Variants in PARD3 observed in about 807,000 individuals in gnomAD.
PARD3 encodes partitioning defective 3 homolog.
A neutral mutation model predicts 155.4 loss-of-function variants in PARD3; 75 were observed. The observed-to-expected ratio is 0.48, with a 90% CI of 0.40 to 0.58. The LOEUF (loss-of-function observed/expected upper bound fraction) is 0.58. PARD3 is among the 20% of genes least tolerant of loss of function. The pLI is 0.00. For synonymous variants in PARD3, 576 were observed against 610.5 expected, an observed-to-expected ratio of 0.94 and a Z score of 0.83; for missense variants, 1,642 against 1,721.7, an observed-to-expected ratio of 0.95 and a Z score of 0.82.
At chr10:34,569,118 A>G (rs763908900) in intron 2 of PARD3, among the ~76,000 whole-genome samples, 5 of 152,176 alleles carry the variant, frequency 3.3e-5, no homozygotes, top group Non-Finnish European at 4.4e-5. Context: ...TCACTGTGGC[A>G]CTCTCCTGAG....
chr10:34,349,580 TAAAAAAAAAAAAAAA>T, intron 14 of PARD3, among the ~76,000 whole-genome samples: 1 of 44,708 alleles, frequency 2.2e-5, no homozygotes, highest in African/African-American at 1.1e-4. Context: ...TCTGGGAAAG[TAAAAAAAAAAAAAAA>T]AAAAAAAAAA....
chr10:34,346,627 G>C (rs1837460996), intron 15 of PARD3, among the ~76,000 whole-genome samples: 1 of 152,192 alleles, frequency 6.6e-6, no homozygotes, highest in Non-Finnish European at 1.5e-5. Context: ...AGTGAAGAGA[G>C]TGGTAAGTAA....
At chr10:34,125,205 T>A (rs1947217923) in intron 23 of PARD3, among the ~76,000 whole-genome samples, 1 of 152,100 alleles carries the variant, frequency 6.6e-6, no homozygotes, top group Non-Finnish European at 1.5e-5. Flanking sequence ...TAGCTGGGAT[T>A]ACAGGCACCT....
At chr10:34,363,441 A>G (rs1839653541) in intron 12 of PARD3, among the ~76,000 whole-genome samples, 1 of 152,218 alleles carries the variant, frequency 6.6e-6, no homozygotes, top group South Asian at 2.1e-4. Context: ...TTCATGTGAT[A>G]TTCCACTATT....
rs546054670 is a variant in PARD3 at position 34,139,153 on chromosome 10, G to T, written c.3420-7570C>A. ...CTACAACTTAAGAAACATCATCATG[G>T]TCTGCATCTCAGCACACATAGAAAG... On this transcript the variant is annotated intron_variant, in intron 22 of 24. Coordinates refer to ENST00000374788, the MANE Select transcript of PARD3 (RefSeq NM_001184785.2). 1.0e-3 allele frequency among the ~76,000 whole-genome samples: 159 copies of T among 152,180 alleles called. 1 individual carries two copies. Among genetic ancestry groups the T allele is most frequent in the African/African-American group, 3.8e-3 (158 of 41,524 alleles).
intron 2 of PARD3, among the ~76,000 whole-genome samples, chr10:34,575,255 TTAA>T (rs1364883003): frequency 6.6e-6 from 1 of 152,238 alleles, no homozygotes; most frequent in East Asian, 1.9e-4. Context: ...TATGTGAGGC[TTAA>T]TATTACATGA....
intron 2 of PARD3, among the ~76,000 whole-genome samples, chr10:34,690,688 C>G (rs1322688987): frequency 6.6e-6 from 1 of 152,170 alleles, no homozygotes; most frequent in Non-Finnish European, 1.5e-5. Flanking sequence ...GCCTCGCTAG[C>G]TCTATGGAAA....
chr10:34,189,701 G>A lies in PARD3; in HGVS notation c.3420-58118C>T, dbSNP rs1588689097. ...CAAGGAAAAGCACCTGTGCAATTGA[G>A]TTGTGAGCTGAACTAGCCACCTGCT... On this transcript the variant is annotated intron_variant, in intron 22 of 24. Transcript: ENST00000374788. Among the ~76,000 whole-genome samples the A allele has an allele frequency of 2.0e-5, 3 of 152,204 alleles. No individual in the cohort carries two copies. In the South Asian group the frequency reaches 6.2e-4, roughly 31 times the overall value.
chr10:34,393,150 TAAAAAA>T (rs34936875), intron 7 of PARD3, among the ~76,000 whole-genome samples: 5 of 133,894 alleles, frequency 3.7e-5, no homozygotes, highest in Admixed American at 3.1e-4. Context: ...TACTAGATCT[TAAAAAA>T]AAAAAAAAAG....
At chr10:34,684,734 G>A (rs2133369244) in intron 2 of PARD3, among the ~76,000 whole-genome samples, 1 of 148,460 alleles carries the variant, frequency 6.7e-6, no homozygotes, top group African/African-American at 2.5e-5. Flanking sequence ...AACACCTGCT[G>A]GTCTTTCAGT....
At chr10:34,177,100 CTAT>C (rs765030100) in intron 22 of PARD3, among the ~76,000 whole-genome samples, 17 of 151,698 alleles carry the variant, frequency 1.1e-4, no homozygotes, top group Non-Finnish European at 2.5e-4. Context: ...GGAACCTATA[CTAT>C]TATTTTGCTT....
intron 4 of PARD3, among the ~76,000 whole-genome samples, chr10:34,460,797 C>T (rs1267392060): frequency 6.6e-6 from 1 of 152,020 alleles, no homozygotes; most frequent in Non-Finnish European, 1.5e-5. Flanking sequence ...CACACCACTG[C>T]ACTCCGGCCT....
intron 1 of PARD3, among the ~76,000 whole-genome samples, chr10:34,728,173 T>TG (rs1243787245): frequency 1.1e-4 from 16 of 152,220 alleles, no homozygotes; most frequent in Non-Finnish European, 2.1e-4. Flanking sequence ...TCTATCTAGT[T>TG]AAGAATTTAC....
At position 34,442,562 on chromosome 10, in the gene PARD3, C is replaced by T. The variant is rs1055074949; in HGVS notation, c.714+7755G>A. On this transcript the variant is annotated intron_variant, in intron 5 of 24. Transcript: ENST00000374788. Reference sequence around the variant, plus strand: ...GGCAACATTTAAAAGGCCTCACATTCGTTAAAAAAAAAGAAAGAAAGAAAA... The same window carrying T: ...GGCAACATTTAAAAGGCCTCACATTTGTTAAAAAAAAAGAAAGAAAGAAAA... Among the ~76,000 whole-genome samples the T allele has an allele frequency of 7.2e-5, 11 of 151,922 alleles. No homozygotes were observed. In the East Asian group the frequency reaches 1.7e-3, roughly 24 times the overall value.
intron 22 of PARD3, among the ~76,000 whole-genome samples, chr10:34,242,829 G>C (rs1206326624): frequency 1.3e-5 from 2 of 152,268 alleles, no homozygotes; most frequent in South Asian, 2.1e-4. Flanking sequence ...CAGCTACTCG[G>C]GAGGCTGAGG....
At chr10:34,602,367 C>G (rs901724490) in intron 2 of PARD3, among the ~76,000 whole-genome samples, 1 of 152,098 alleles carries the variant, frequency 6.6e-6, no homozygotes, top group African/African-American at 2.4e-5. Flanking sequence ...CACTGAATTT[C>G]TCTTCTGGTG....
chr10:34,389,828 T>TA (rs1380660525), intron 7 of PARD3, among the ~76,000 whole-genome samples: 1 of 152,160 alleles, frequency 6.6e-6, no homozygotes, highest in Admixed American at 6.5e-5. Context: ...CTTTAAATCT[T>TA]AATTTTTTTT....
At chr10:34,308,394 G>A (rs1470207561) in intron 20 of PARD3, among the ~76,000 whole-genome samples, 2 of 152,188 alleles carry the variant, frequency 1.3e-5, no homozygotes, top group Non-Finnish European at 2.9e-5. Flanking sequence ...CAGTAACAGC[G>A]GCACTGGGGG....
intron 2 of PARD3, among the ~76,000 whole-genome samples, chr10:34,526,546 C>T (rs551666262): frequency 6.6e-6 from 1 of 152,284 alleles, no homozygotes; most frequent in Admixed American, 6.5e-5. Flanking sequence ...GAAGGCCCTT[C>T]CTTTCTAGTC....
Sources: allele counts gnomAD v4.1 joint callset (sites outside exome capture counted in the v4.1 genomes callset), GRCh38; gene constraint gnomAD v4.1.1; transcripts MANE v1.5; gene names NCBI Gene and HGNC (gene_info 2026-07-23, HGNC 2026-07-21).